Variants in NOS1AP observed in about 807,000 individuals in gnomAD.
NOS1AP encodes the protein carboxyl-terminal PDZ ligand of neuronal nitric oxide synthase protein.
In NOS1AP, 21 loss-of-function variants were observed where a neutral mutation model predicts 56.2. The ratio of observed to expected loss-of-function variants is 0.37; its 90% CI spans 0.26 to 0.54. The LOEUF is 0.54. NOS1AP is among the 20% of genes least tolerant of loss of function. NOS1AP has a pLI of 0.84. For synonymous variants in NOS1AP, 270 were observed against 274.6 expected (o/e 0.98, Z 0.17); for missense variants, 522 against 657.8 (o/e 0.79, Z 2.26).
At chr1:162,270,761 G>A (rs895434233) in intron 2 of NOS1AP, among the ~76,000 whole-genome samples, 5 of 152,170 alleles carry the variant, frequency 3.3e-5, no homozygotes, top group African/African-American at 1.2e-4. Context: ...TCTTTTTAAA[G>A]CGATGAACCT....
chr1:162,223,094 T>C (rs1237956586), intron 2 of NOS1AP, among the ~76,000 whole-genome samples: 2 of 152,252 alleles, frequency 1.3e-5, no homozygotes, highest in African/African-American at 2.4e-5. Context: ...GTAAAGTATA[T>C]GTAATCTTTA....
chr1:162,219,996 T>G (rs1174505362), intron 2 of NOS1AP, among the ~76,000 whole-genome samples: 1 of 152,210 alleles, frequency 6.6e-6, no homozygotes, highest in African/African-American at 2.4e-5. Context: ...AGTGGCACGA[T>G]CATACCTCAC....
intron 6 of NOS1AP, among the ~76,000 whole-genome samples, chr1:162,349,539 T>C (rs347271): frequency 0.92 from 139,492 of 152,214 alleles, 64,416 homozygotes; most frequent in East Asian, 1. Flanking sequence ...GGCTAATCCT[T>C]GGCAAATTTC....
intron 2 of NOS1AP, among the ~76,000 whole-genome samples, chr1:162,166,509 T>A (rs1650505788): frequency 1.3e-5 from 2 of 152,232 alleles, no homozygotes; most frequent in South Asian, 4.1e-4. Flanking sequence ...CTTCTGCTTA[T>A]CTTCCAGAGC....
chr1:162,319,559 G>T (rs1656344497), intron 4 of NOS1AP, among the ~76,000 whole-genome samples: 1 of 151,632 alleles, frequency 6.6e-6, no homozygotes. Context: ...GCTACCTCAT[G>T]ACCTCATGCC....
chr1:162,189,888 C>G (rs781116802), intron 2 of NOS1AP, among the ~76,000 whole-genome samples: 5 of 152,012 alleles, frequency 3.3e-5, no homozygotes, highest in Non-Finnish European at 7.4e-5. Flanking sequence ...CTGTTCATGG[C>G]GAGGGATCAG....
At chr1:162,361,425 C>A (rs931984384) in intron 8 of NOS1AP, among the ~76,000 whole-genome samples, 4 of 152,126 alleles carry the variant, frequency 2.6e-5, no homozygotes, top group African/African-American at 9.7e-5. Flanking sequence ...AAGTTCGAGC[C>A]TACATAGTTA....
intron 3 of NOS1AP, among the ~76,000 whole-genome samples, chr1:162,298,104 C>T (rs945015026): frequency 6.6e-6 from 1 of 152,244 alleles, no homozygotes; most frequent in Non-Finnish European, 1.5e-5. Context: ...AAACAATTCA[C>T]GGAAGACCGT....
intron 1 of NOS1AP, among the ~76,000 whole-genome samples, chr1:162,111,000 G>A (rs1394205376): frequency 6.6e-6 from 1 of 152,308 alleles, no homozygotes; most frequent in East Asian, 1.9e-4. Flanking sequence ...TACTGTCTCA[G>A]GCACTGGGGA....
intron 2 of NOS1AP, among the ~76,000 whole-genome samples, chr1:162,229,358 A>C (rs1286357444): frequency 1.3e-5 from 2 of 152,236 alleles, no homozygotes; most frequent in Non-Finnish European, 1.5e-5. Flanking sequence ...TGAGGAGGAC[A>C]GAATGTTGCA....
At chr1:162,339,399 T>C (rs58103251) in intron 5 of NOS1AP, among the ~76,000 whole-genome samples, 2,838 of 109,316 alleles carry the variant, frequency 0.026, 77 homozygotes, top group African/African-American at 0.1. Context: ...TGATGCTTTT[T>C]TTAAAAAAAA....
intron 1 of NOS1AP, among the ~76,000 whole-genome samples, chr1:162,110,086 A>T (rs531803208): frequency 6.6e-6 from 1 of 152,236 alleles, no homozygotes; most frequent in East Asian, 1.9e-4. Flanking sequence ...AGTGAGTGGG[A>T]TAGCTGGGAT....
intron 1 of NOS1AP, among the ~76,000 whole-genome samples, chr1:162,127,176 G>A (rs1648525449): frequency 1.3e-5 from 2 of 151,950 alleles, no homozygotes; most frequent in African/African-American, 4.8e-5. Context: ...AGGAATACAA[G>A]CCCTTTGTGA....
chr1:162,146,962 G>T (rs899598929), intron 1 of NOS1AP, among the ~76,000 whole-genome samples: 14 of 152,088 alleles, frequency 9.2e-5, no homozygotes, highest in African/African-American at 3.4e-4. Flanking sequence ...TTTGTTACTT[G>T]TGGGAGGCTT....
At chr1:162,239,208 A>G (rs1235950558) in intron 2 of NOS1AP, among the ~76,000 whole-genome samples, 1 of 152,226 alleles carries the variant, frequency 6.6e-6, no homozygotes, top group Non-Finnish European at 1.5e-5. Flanking sequence ...CAAATCAGAT[A>G]TGGGCTCCAC....
intron 2 of NOS1AP, among the ~76,000 whole-genome samples, chr1:162,233,577 A>G (rs574351235): frequency 1.3e-5 from 2 of 152,348 alleles, no homozygotes; most frequent in South Asian, 4.1e-4. Context: ...TATCCCAAGA[A>G]GAAACCCTAT....
chr1:162,270,395 G>C (rs1426533126), intron 2 of NOS1AP, among the ~76,000 whole-genome samples: 1 of 152,194 alleles, frequency 6.6e-6, no homozygotes, highest in African/African-American at 2.4e-5. Context: ...GTGTGGTTGA[G>C]AAGATGAGAA....
intron 4 of NOS1AP, among the ~76,000 whole-genome samples, chr1:162,307,085 T>A (rs1655857893): frequency 6.6e-6 from 1 of 152,246 alleles, no homozygotes; most frequent in Non-Finnish European, 1.5e-5. Flanking sequence ...TTCCTTTTCT[T>A]TCTTAATCTG....
chr1:162,101,388 G>A (rs1180318052), intron 1 of NOS1AP, among the ~76,000 whole-genome samples: 1 of 152,056 alleles, frequency 6.6e-6, no homozygotes, highest in Non-Finnish European at 1.5e-5. Context: ...TCTTGTTATT[G>A]TTGTTTAGGA....
Sources: gnomAD v4.1 joint callset for allele counts (sites outside exome capture counted in the v4.1 genomes callset) on GRCh38, gnomAD v4.1.1 for gene constraint, MANE v1.5 for transcripts, NCBI Gene and HGNC (gene_info 2026-07-23, HGNC 2026-07-21) for gene names.